Variants in LAMA1 observed in about 807,000 individuals in gnomAD.
LAMA1 encodes laminin subunit alpha-1.
LAMA1 carries 219 observed loss-of-function variants against 348.7 expected under a neutral mutation model. The ratio of observed to expected loss-of-function variants is 0.63; its 90% CI spans 0.56 to 0.70. LAMA1 has a LOEUF of 0.70. Ranked by LOEUF, LAMA1 falls within the 30% of genes least tolerant of loss-of-function variation. The probability of loss-of-function intolerance (pLI) is 0.00; values close to 1 mark genes in which losing one functional copy is unlikely to be tolerated. For synonymous variants in LAMA1, 1,487 were observed against 1,491.0 expected, an observed-to-expected ratio of 1.00 and a Z score of 0.06; for missense variants, 3,744 against 3,888.0, an observed-to-expected ratio of 0.96 and a Z score of 0.99.
intron 3 of LAMA1, among the ~76,000 whole-genome samples, chr18:7,063,191 TG>T: frequency 6.6e-6 from 1 of 152,328 alleles, no homozygotes; most frequent in Non-Finnish European, 1.5e-5. Flanking sequence ...TATTGTTTCT[TG>T]TGAGTGTGTA....
chr18:7,113,837 G>A (rs1188312832), intron 1 of LAMA1, among the ~76,000 whole-genome samples: 1 of 152,124 alleles, frequency 6.6e-6, no homozygotes, highest in African/African-American at 2.4e-5. Context: ...AACACTTTGG[G>A]AGGCCGAGGT....
At chr18:6,955,693 T>C in intron 56 of LAMA1, 1 of 635,004 alleles carries the variant, frequency 1.6e-6, no homozygotes, top group Non-Finnish European at 2.9e-6. Context: ...TTAATCCCAC[T>C]CGGCTTCACT....
chr18:7,104,735 A>G (rs1412330614), intron 1 of LAMA1, among the ~76,000 whole-genome samples: 1 of 152,226 alleles, frequency 6.6e-6, no homozygotes, highest in Non-Finnish European at 1.5e-5. Context: ...CAGTCCATTA[A>G]CTCAGAGGGA....
chr18:7,077,589 C>A (rs1010603212), intron 3 of LAMA1, among the ~76,000 whole-genome samples: 2 of 152,070 alleles, frequency 1.3e-5, no homozygotes, highest in African/African-American at 4.8e-5. Context: ...TAGTCCATCC[C>A]TTCAGGATGA....
chr18:6,979,792 G>T (rs866860493), intron 42 of LAMA1, among the ~76,000 whole-genome samples: 99 of 152,052 alleles, frequency 6.5e-4, no homozygotes, highest in African/African-American at 1.9e-3. Flanking sequence ...CCAGCTACTC[G>T]GGAGGCTGAG....
intron 16 of LAMA1, among the ~76,000 whole-genome samples, chr18:7,026,636 C>T (rs1219336117): frequency 2.0e-5 from 3 of 152,168 alleles, no homozygotes; most frequent in African/African-American, 4.8e-5. Flanking sequence ...CAAAGTATTC[C>T]GGCCTGAATA....
Position 7,117,765 on chromosome 18 carries a change from G to A in LAMA1, c.-45C>T, listed in dbSNP as rs1262776132. 1.3e-5 allele frequency: 21 copies of A among 1,555,958 alleles called. No individual in the cohort carries two copies. The highest frequency in any genetic ancestry group is 2.3e-5 in the South Asian group (2 of 87,662). On this transcript the variant is annotated 5_prime_UTR_variant, in exon 1 of 63. Transcript: ENST00000389658. ...GGTGGGTCTGGGGAGAAAGCCGCGC[G>A]CCCGCCTGGAACGCTCCACGGGACG...
At chr18:6,975,101 C>CT in intron 45 of LAMA1, 65 bp from the exon 46 acceptor site, 1 of 1,553,304 alleles carries the variant, frequency 6.4e-7, no homozygotes, top group Admixed American at 1.8e-5. Context: ...CACCACAACA[C>CT]TTTACAGAGT....
At position 6,971,906 on chromosome 18, in the gene LAMA1, G is replaced by A. The variant is rs77810945; in HGVS notation, c.6850C>T (p.Leu2284=). 4,347 of 1,614,024 alleles carry A rather than the reference G, an allele frequency of 2.7e-3. 70 individuals carry two copies. Among genetic ancestry groups the A allele is most frequent in the East Asian group, 0.016 (711 of 44,854 alleles). ...CCTTCCCTTTCAATATAGTTCCATA[G>A]GCCTATGGATTTTCCATTCAGGAAG... The part of the protein sequence containing the change: ...EAFLNGKSIG[L]WNYIEREGKC... Residue 2284 remains leucine, a synonymous_variant, in exon 48 of 63, where the codon CTA becomes TTA. Transcript: ENST00000389658.
rs115272544 is a variant in LAMA1, at chr18:7,113,413, C to T, written c.61+4247G>A. On this transcript the variant is annotated intron_variant, in intron 1 of 62. Coordinates refer to ENST00000389658, the MANE Select transcript of LAMA1 (RefSeq NM_005559.4). ...CACAGCAGGACACTGTCATTTTGTG[C>T]ATCTTATAAAGTGAGGGGTTTGGGG... is the stretch of plus-strand genomic sequence containing the variant. Among the ~76,000 whole-genome samples, 1,486 of 152,288 alleles carry T rather than the reference C, an allele frequency of 9.8e-3. 29 individuals carry two copies. The highest frequency in any genetic ancestry group is 0.034 in the African/African-American group (1,412 of 41,560).
chr18:7,015,274 T>A (rs545406480), intron 22 of LAMA1, among the ~76,000 whole-genome samples: 16 of 152,288 alleles, frequency 1.1e-4, no homozygotes, highest in African/African-American at 3.6e-4. Flanking sequence ...GTATTGTTTT[T>A]GTTTTTGATT....
At position 6,994,090 on chromosome 18, in the gene LAMA1, T is replaced by C. The variant is rs180954651; in HGVS notation, c.4897-338A>G. Among the ~76,000 whole-genome samples the C allele has an allele frequency of 2.7e-3, 407 of 152,268 alleles. 1 individual carries two copies. Among genetic ancestry groups the C allele is most frequent in the African/African-American group, 9.4e-3 (389 of 41,548 alleles). On this transcript the variant is annotated intron_variant, in intron 34 of 62. Coordinates refer to ENST00000389658, the MANE Select transcript of LAMA1 (RefSeq NM_005559.4). ...CTTTAAAACCCAAATATACAGAATA[T>C]AGAAAGTAAACCTTACTGATTTGTA...
chr18:7,003,275 G>C (rs2144099068), intron 29 of LAMA1, among the ~76,000 whole-genome samples: 1 of 148,962 alleles, frequency 6.7e-6, no homozygotes, highest in South Asian at 2.1e-4. Context: ...TTTTGAGACA[G>C]AGTCTCGCTC....
At chr18:6,969,727 G>C (rs1203783375) in intron 48 of LAMA1, among the ~76,000 whole-genome samples, 17 of 152,146 alleles carry the variant, frequency 1.1e-4, no homozygotes, top group Admixed American at 9.8e-4. Flanking sequence ...TCTCGAGTTG[G>C]CAGGAGGGCA....
At chr18:6,997,680 C>T (rs1029375711) in intron 33 of LAMA1, 62 bp downstream of exon 33, 1 of 1,559,584 alleles carries the variant, frequency 6.4e-7, no homozygotes, top group African/African-American at 1.4e-5. Flanking sequence ...TCCCACCATT[C>T]CCAATGACTA....
intron 57 of LAMA1, among the ~76,000 whole-genome samples, 187 bp from the exon 58 acceptor site, chr18:6,951,158 C>T (rs1198506761): frequency 2.6e-5 from 4 of 152,112 alleles, no homozygotes; most frequent in East Asian, 1.9e-4. Context: ...CTCTGTCTGC[C>T]GGGAACTGTT....
chr18:7,098,736 CCCGG>C (rs1303945645), intron 1 of LAMA1, among the ~76,000 whole-genome samples: 2 of 144,284 alleles, frequency 1.4e-5, no homozygotes, highest in Non-Finnish European at 1.5e-5. Context: ...CAGCCCCCCG[CCCGG>C]CCAGCCACCC....
At chr18:7,083,531 G>T (rs1440565378) in intron 1 of LAMA1, among the ~76,000 whole-genome samples, 2 of 151,956 alleles carry the variant, frequency 1.3e-5, no homozygotes, top group African/African-American at 2.4e-5. Flanking sequence ...TTTATTGAAA[G>T]TATATTTAGA....
chr18:7,039,929 G>C (rs1263190275), intron 10 of LAMA1, 147 bp downstream of exon 10: 7 of 859,486 alleles, frequency 8.1e-6, no homozygotes, highest in South Asian at 4.4e-5. Context: ...CAGCCAACTC[G>C]GTGTGGCTTG....
Sources: allele counts gnomAD v4.1 joint callset (sites outside exome capture counted in the v4.1 genomes callset), GRCh38; gene constraint gnomAD v4.1.1; transcripts MANE v1.5; gene names NCBI Gene and HGNC (gene_info 2026-07-23, HGNC 2026-07-21).